Variants in KLHL32 observed in about 807,000 individuals in gnomAD.
The protein encoded by KLHL32 is kelch-like protein 32.
Under a neutral mutation model 64.8 loss-of-function variants are expected in KLHL32, and 35 were observed. The ratio of observed to expected loss-of-function variants is 0.54; its 90% CI spans 0.41 to 0.72. The LOEUF is 0.72. Among genes scored for constraint, KLHL32 ranks in the 30% least tolerant of loss-of-function variants. KLHL32 has a pLI of 0.00. For synonymous variants in KLHL32, 259 were observed against 281.0 expected (o/e 0.92, Z 0.78); for missense variants, 589 against 768.5 (o/e 0.77, Z 2.76).
At chr6:97,073,944 G>A (rs530255658) in intron 5 of KLHL32, among the ~76,000 whole-genome samples, 1 of 152,218 alleles carries the variant, frequency 6.6e-6, no homozygotes, top group South Asian at 2.1e-4. Context: ...ACATCAAGGG[G>A]CATGTGCCAC....
chr6:96,940,183 C>T (rs575750490), intron 1 of KLHL32, among the ~76,000 whole-genome samples: 31 of 152,148 alleles, frequency 2.0e-4, no homozygotes, highest in East Asian at 3.9e-4. Context: ...GTCTTTAGGA[C>T]GTTGAGATGA....
intron 1 of KLHL32, among the ~76,000 whole-genome samples, chr6:96,933,828 A>C (rs1770238119): frequency 6.6e-6 from 1 of 152,166 alleles, no homozygotes; most frequent in Admixed American, 6.5e-5. Flanking sequence ...ACAGATCAGT[A>C]CTGAAAATCT....
chr6:97,102,766 A>G (rs1425960993), intron 6 of KLHL32, among the ~76,000 whole-genome samples: 1 of 152,014 alleles, frequency 6.6e-6, no homozygotes, highest in East Asian at 1.9e-4. Context: ...GCTGTTTTTT[A>G]TTGTCCTGTA....
At chr6:96,997,087 TCA>T (rs1425823773) in intron 3 of KLHL32, among the ~76,000 whole-genome samples, 2 of 152,008 alleles carry the variant, frequency 1.3e-5, no homozygotes, top group Admixed American at 6.6e-5. Flanking sequence ...AAAGGGATGT[TCA>T]TGCTGACCAA....
chr6:96,980,329 T>G (rs576246758), intron 3 of KLHL32, among the ~76,000 whole-genome samples: 1 of 152,294 alleles, frequency 6.6e-6, no homozygotes, highest in Non-Finnish European at 1.5e-5. Flanking sequence ...GTTTGAGGCA[T>G]AGTCATATAA....
At position 96,967,024 on chromosome 6, in the gene KLHL32, C is replaced by A. The variant is rs1774527811; in HGVS notation, c.-37C>A. The A allele has an allele frequency of 6.2e-7, 1 of 1,607,254 alleles. No homozygotes were observed. The highest frequency in any genetic ancestry group is 8.5e-7 in the Non-Finnish European group (1 of 1,174,052). On this transcript the variant is annotated 5_prime_UTR_variant, in exon 2 of 11. Transcript: ENST00000369261. ...GAATGCTTGCTGATTCCTCTGCACA[C>A]TTCTAAGGCTGAGAACCTGAGGAAC...
intron 5 of KLHL32, among the ~76,000 whole-genome samples, chr6:97,079,284 G>C (rs9372332): frequency 0.38 from 57,540 of 151,888 alleles, 11,597 homozygotes; most frequent in East Asian, 0.45. Flanking sequence ...CCCACCAGGG[G>C]ACATCACCGA....
intron 10 of KLHL32, among the ~76,000 whole-genome samples, chr6:97,135,769 A>G (rs1257944141): frequency 1.3e-5 from 2 of 152,216 alleles, no homozygotes; most frequent in Non-Finnish European, 2.9e-5. Context: ...ATTCTGAACT[A>G]AAGCTCCATT....
At chr6:96,938,323 C>T (rs539445003) in intron 1 of KLHL32, among the ~76,000 whole-genome samples, 154 of 152,308 alleles carry the variant, frequency 1.0e-3, no homozygotes, top group South Asian at 2.5e-3. Context: ...GATCAGACTT[C>T]AGTTCCACTA....
At chr6:97,103,658 G>A (rs894125421) in intron 6 of KLHL32, among the ~76,000 whole-genome samples, 2 of 152,248 alleles carry the variant, frequency 1.3e-5, no homozygotes, top group African/African-American at 4.8e-5. Context: ...TTGTTCCTAG[G>A]GAGAGTGACT....
chr6:97,115,301 C>T (rs866958206), intron 7 of KLHL32, among the ~76,000 whole-genome samples: 1 of 152,226 alleles, frequency 6.6e-6, no homozygotes, highest in Non-Finnish European at 1.5e-5. Context: ...CAGGCGTGAG[C>T]CACTGTGCCC....
intron 3 of KLHL32, among the ~76,000 whole-genome samples, chr6:97,009,564 C>G (rs1780109324): frequency 6.6e-6 from 1 of 151,978 alleles, no homozygotes; most frequent in African/African-American, 2.4e-5. Flanking sequence ...GCGAGATGTT[C>G]CTTTGCTTTG....
the KLHL32 span, among the ~76,000 whole-genome samples, chr6:96,899,958 G>A: frequency 6.6e-6 from 1 of 152,202 alleles, no homozygotes; most frequent in Non-Finnish European, 1.5e-5. Context: ...ACACTAGAAT[G>A]TAAATTCTGA....
chr6:97,134,733 A>C (rs955099056), intron 10 of KLHL32, among the ~76,000 whole-genome samples: 3 of 152,216 alleles, frequency 2.0e-5, no homozygotes, highest in Admixed American at 2.0e-4. Context: ...CATAATGAGG[A>C]AATAAAGAAA....
At chr6:97,019,943 C>T (rs1433837833) in intron 3 of KLHL32, among the ~76,000 whole-genome samples, 4 of 102,054 alleles carry the variant, frequency 3.9e-5, no homozygotes, top group Non-Finnish European at 7.2e-5. Context: ...CCACTCCCGG[C>T]GAATTTTTTT....
intron 3 of KLHL32, among the ~76,000 whole-genome samples, chr6:96,984,756 C>G (rs57783354): frequency 1.3e-5 from 2 of 152,114 alleles, no homozygotes; most frequent in African/African-American, 4.8e-5. Flanking sequence ...TATTTTGAGC[C>G]TATGTGTGTC....
At chr6:97,077,351 G>A (rs868435788) in intron 5 of KLHL32, among the ~76,000 whole-genome samples, 1 of 151,858 alleles carries the variant, frequency 6.6e-6, no homozygotes, top group African/African-American at 2.4e-5. Flanking sequence ...TTCTGCTTAT[G>A]GTATAAAGGA....
At chr6:96,971,976 C>T (rs932364552) in intron 2 of KLHL32, among the ~76,000 whole-genome samples, 2 of 152,042 alleles carry the variant, frequency 1.3e-5, no homozygotes, top group Non-Finnish European at 2.9e-5. Flanking sequence ...CCTTAGCCTC[C>T]TGAGTAGCTG....
chr6:97,044,187 G>A (rs1018061198), intron 4 of KLHL32, among the ~76,000 whole-genome samples: 1 of 151,982 alleles, frequency 6.6e-6, no homozygotes, highest in Non-Finnish European at 1.5e-5. Flanking sequence ...CTTGTTGAGA[G>A]TTTTTATCAT....
Sources: gnomAD v4.1 joint callset for allele counts (sites outside exome capture counted in the v4.1 genomes callset) on GRCh38, gnomAD v4.1.1 for gene constraint, MANE v1.5 for transcripts, NCBI Gene and HGNC (gene_info 2026-07-23, HGNC 2026-07-21) for gene names.